DSCAM: variants seen among roughly 807,000 people sequenced by gnomAD.
DSCAM encodes the protein DS cell adhesion molecule.
DSCAM carries 47 observed loss-of-function variants against 217.7 expected under a neutral mutation model. The ratio of observed to expected loss-of-function variants is 0.22; its 90% CI spans 0.17 to 0.28. DSCAM has a LOEUF of 0.28. DSCAM is among the 10% of genes least tolerant of loss of function. The pLI is 1.00. For synonymous variants in DSCAM, 1,056 were observed against 1,015.3 expected, an observed-to-expected ratio of 1.04 and a Z score of -0.76; for missense variants, 2,080 against 2,618.3, an observed-to-expected ratio of 0.79 and a Z score of 4.49.
chr21:40,536,719 A>G (rs964112541), intron 3 of DSCAM, among the ~76,000 whole-genome samples: 1 of 152,162 alleles, frequency 6.6e-6, no homozygotes, highest in Admixed American at 6.5e-5. Flanking sequence ...GTAGATTCTA[A>G]TCTAATTCAG....
intron 1 of DSCAM, among the ~76,000 whole-genome samples, chr21:40,732,102 T>G (rs1197051510): frequency 6.6e-6 from 1 of 152,024 alleles, no homozygotes; most frequent in African/African-American, 2.4e-5. Flanking sequence ...TTCAACATAG[T>G]TTTTGGGGGA....
At chr21:40,463,830 C>T (rs2075823973) in intron 3 of DSCAM, among the ~76,000 whole-genome samples, 2 of 152,206 alleles carry the variant, frequency 1.3e-5, no homozygotes, top group Admixed American at 1.3e-4. Context: ...CATCCCTAGA[C>T]ACCCATCCCG....
rs960224131 is a variant in DSCAM at position 40,109,584 on chromosome 21, G to A, written c.3696+14611C>T. Among the ~76,000 whole-genome samples the A allele has an allele frequency of 2.0e-5, 3 of 152,206 alleles. 1 individual carries two copies. Among genetic ancestry groups the A allele is most frequent in the Admixed American group, 1.3e-4 (2 of 15,288 alleles). On this transcript the variant is annotated intron_variant, in intron 20 of 32. Coordinates refer to ENST00000400454, the MANE Select transcript of DSCAM (RefSeq NM_001389.5). ...GGACAGTGGACGCAGGACAGCGGGT[G>A]CAGCGCACCGAGCATGAGGCAAAGC... is the stretch of plus-strand genomic sequence containing the variant.
chr21:40,600,078 G>A (rs1168297408), intron 3 of DSCAM, among the ~76,000 whole-genome samples: 3 of 152,234 alleles, frequency 2.0e-5, no homozygotes, highest in Non-Finnish European at 2.9e-5. Context: ...AATTGAAAAG[G>A]AGGGACTCCT....
chr21:40,791,332 G>C (rs1462510636), intron 1 of DSCAM, among the ~76,000 whole-genome samples: 1 of 151,634 alleles, frequency 6.6e-6, no homozygotes, highest in Admixed American at 6.6e-5. Context: ...CGTTGGCTTA[G>C]TATTGCTATT....
chr21:40,810,255 C>T (rs77230887), intron 1 of DSCAM, among the ~76,000 whole-genome samples: 2 of 152,192 alleles, frequency 1.3e-5, no homozygotes, highest in East Asian at 1.9e-4. Flanking sequence ...GGAGCTAGAA[C>T]GTTGCACCCT....
chr21:40,309,601 G>C (rs1456276171), intron 9 of DSCAM, among the ~76,000 whole-genome samples: 1 of 152,052 alleles, frequency 6.6e-6, no homozygotes, highest in Non-Finnish European at 1.5e-5. Context: ...TGTCAATACC[G>C]TTCTTCCTCA....
chr21:40,546,684 T>TA (rs556191000), intron 3 of DSCAM, among the ~76,000 whole-genome samples: 23 of 152,300 alleles, frequency 1.5e-4, no homozygotes, highest in Admixed American at 3.3e-4. Flanking sequence ...TTCATCCATT[T>TA]AAAAAAATAA....
At chr21:40,150,168 A>G (rs1484917707) in intron 16 of DSCAM, among the ~76,000 whole-genome samples, 2 of 152,252 alleles carry the variant, frequency 1.3e-5, no homozygotes, top group Admixed American at 1.3e-4. Context: ...ATATGTTAAA[A>G]CAACTATCTC....
intron 28 of DSCAM, among the ~76,000 whole-genome samples, chr21:40,057,873 C>CTTTTTT (rs71186913): frequency 0.033 from 3,541 of 107,128 alleles, 287 homozygotes; most frequent in African/African-American, 0.082. Flanking sequence ...TCACTGCAGT[C>CTTTTTT]TTTTTTTTTT....
At chr21:40,539,253 C>G (rs1236122215) in intron 3 of DSCAM, among the ~76,000 whole-genome samples, 1 of 151,952 alleles carries the variant, frequency 6.6e-6, no homozygotes, top group Admixed American at 6.6e-5. Flanking sequence ...GCTGGTAATC[C>G]CAGCACTTTG....
chr21:40,201,785 G>T (rs549249499), intron 11 of DSCAM, among the ~76,000 whole-genome samples: 1 of 152,242 alleles, frequency 6.6e-6, no homozygotes, highest in Admixed American at 6.5e-5. Context: ...ATAGTAAATA[G>T]ATTTTGATTT....
intron 3 of DSCAM, among the ~76,000 whole-genome samples, chr21:40,577,165 T>C (rs1488503211): frequency 2.0e-5 from 3 of 151,638 alleles, no homozygotes; most frequent in African/African-American, 7.3e-5. Context: ...CATTTATTTA[T>C]GTATTATATA....
chr21:40,690,812 G>T (rs77669459), intron 3 of DSCAM, among the ~76,000 whole-genome samples: 1 of 152,198 alleles, frequency 6.6e-6, no homozygotes. Flanking sequence ...CACGTATTAT[G>T]CATAACCAAA....
At chr21:40,810,054 G>A (rs1004609467) in intron 1 of DSCAM, among the ~76,000 whole-genome samples, 3 of 152,234 alleles carry the variant, frequency 2.0e-5, no homozygotes, top group African/African-American at 7.2e-5. Context: ...TAAGGCCAGA[G>A]GCAGCAGGCC....
chr21:40,433,963 T>C (rs1001556831), intron 3 of DSCAM, among the ~76,000 whole-genome samples: 1 of 152,228 alleles, frequency 6.6e-6, no homozygotes, highest in Non-Finnish European at 1.5e-5. Flanking sequence ...CGATGTCACC[T>C]GAGGCAGCTG....
intron 3 of DSCAM, among the ~76,000 whole-genome samples, chr21:40,676,715 G>A (rs1203486328): frequency 6.6e-6 from 1 of 152,144 alleles, no homozygotes; most frequent in African/African-American, 2.4e-5. Flanking sequence ...ATAAATCCTT[G>A]TGGATCATTT....
chr21:40,040,481 A>G (rs552839239), intron 32 of DSCAM, among the ~76,000 whole-genome samples: 1 of 152,332 alleles, frequency 6.6e-6, no homozygotes, highest in Non-Finnish European at 1.5e-5. Context: ...CAAAGGGAAA[A>G]TGACGGCATG....
chr21:40,240,025 G>A (rs897350590), intron 11 of DSCAM, among the ~76,000 whole-genome samples: 5 of 152,146 alleles, frequency 3.3e-5, no homozygotes, highest in African/African-American at 4.8e-5. Context: ...ACCTTCATGT[G>A]CACACAAAAC....
Sources: gnomAD v4.1 joint callset for allele counts (sites outside exome capture counted in the v4.1 genomes callset) on GRCh38, gnomAD v4.1.1 for gene constraint, MANE v1.5 for transcripts, NCBI Gene and HGNC (gene_info 2026-07-23, HGNC 2026-07-21) for gene names.